DAB1: variants seen among roughly 807,000 people sequenced by gnomAD.
The protein encoded by DAB1 is disabled homolog 1.
Under a neutral mutation model 64.6 loss-of-function variants are expected in DAB1, and 15 were observed. That is an observed-to-expected ratio of 0.23 (90% CI 0.16 to 0.36). The LOEUF (loss-of-function observed/expected upper bound fraction) is 0.36. Among genes scored for constraint, DAB1 ranks in the 10% least tolerant of loss-of-function variants. The pLI, the probability that DAB1 is intolerant of heterozygous loss-of-function variation, is 1.00. For missense variants in DAB1, 596 were observed against 706.7 expected (o/e 0.84, Z 1.78); for synonymous variants, 235 against 251.9 (o/e 0.93, Z 0.64).
intron 7 of DAB1, among the ~76,000 whole-genome samples, chr1:57,584,775 T>C (rs1327648106): frequency 6.6e-6 from 1 of 152,240 alleles, no homozygotes; most frequent in Non-Finnish European, 1.5e-5. Context: ...GCTTTCTGTG[T>C]TGTTAGGTCC....
At chr1:57,286,927 C>A (rs1672362781) in intron 2 of DAB1, among the ~76,000 whole-genome samples, 1 of 151,930 alleles carries the variant, frequency 6.6e-6, no homozygotes, top group South Asian at 2.1e-4. Flanking sequence ...GTTAAATCTG[C>A]CACAGTATAA....
chr1:58,478,982 T>C (rs1645446408), intron 3 of DAB1, among the ~76,000 whole-genome samples: 1 of 152,222 alleles, frequency 6.6e-6, no homozygotes, highest in Non-Finnish European at 1.5e-5. Context: ...TTCTAAAGCA[T>C]TGAGCTGAAC....
At position 58,300,634 on chromosome 1, in the gene DAB1, GAGAGAGAGAGAGAGGAAGGAAGGA is replaced by G. The variant is rs1463949476; in HGVS notation, n.309+42694_309+42717del. Reference sequence around the variant, plus strand: ...AAAGAGAGAGAGAGAGAGAGAGAGAGAGAGAGAGAGAGAGGAAGGAAGGAAGGAAGGAAGGAAGGAAGGAAGGAA... The same window carrying G: ...AAAGAGAGAGAGAGAGAGAGAGAGAGAGGAAGGAAGGAAGGAAGGAAGGAA... On this transcript the variant is annotated intron_variant and non_coding_transcript_variant, in intron 4 of 20. Transcript: ENST00000485760. Among the ~76,000 whole-genome samples, 76 of 64,402 alleles carry G rather than the reference GAGAGAGAGAGAGAGGAAGGAAGGA, an allele frequency of 1.2e-3. 1 individual carries two copies. Among genetic ancestry groups the G allele is most frequent in the South Asian group, 5.6e-3 (7 of 1,250 alleles). 42.3% of individuals were successfully genotyped at this position (64,402 alleles called of 152,430 possible). A position where few individuals can be genotyped will look rare whatever the true frequency, so the allele number is the denominator to read the frequency against.
chr1:58,480,766 A>G (rs564917975), intron 3 of DAB1: 185 of 422,894 alleles, frequency 4.4e-4, no homozygotes, highest in Non-Finnish European at 6.2e-4. Context: ...CTCATTGAAG[A>G]TATTTTAACA....
At chr1:57,454,269 G>A (rs1686497957) in intron 7 of DAB1, among the ~76,000 whole-genome samples, 1 of 152,088 alleles carries the variant, frequency 6.6e-6, no homozygotes, top group South Asian at 2.1e-4. Flanking sequence ...GCCCATCAGT[G>A]ACAAACTGGA....
At chr1:58,456,368 G>C (rs1363000292) in intron 3 of DAB1, among the ~76,000 whole-genome samples, 1 of 152,190 alleles carries the variant, frequency 6.6e-6, no homozygotes, top group Non-Finnish European at 1.5e-5. Flanking sequence ...GATTTGTCTG[G>C]GGGGAGGGTG....
At chr1:57,342,596 T>C (rs1031589392) in intron 1 of DAB1, among the ~76,000 whole-genome samples, 1 of 152,210 alleles carries the variant, frequency 6.6e-6, no homozygotes, top group South Asian at 2.1e-4. Context: ...GTGTCCAAAA[T>C]TGGTGGGTTC....
chr1:57,155,044 A>T (rs1660075636), intron 2 of DAB1, among the ~76,000 whole-genome samples: 1 of 152,174 alleles, frequency 6.6e-6, no homozygotes, highest in Non-Finnish European at 1.5e-5. Context: ...CCATTTGTAC[A>T]TGGAAATTTT....
At position 57,657,976 on chromosome 1, in the gene DAB1, T is replaced by G. The variant is rs1387370239; in HGVS notation, n.552-8311A>C. Among the ~76,000 whole-genome samples, 3 of 152,206 alleles carry G rather than the reference T, an allele frequency of 2.0e-5. No individual in the cohort carries two copies. The East Asian group carries it at 5.8e-4, about 29-fold the overall frequency. On this transcript the variant is annotated intron_variant and non_coding_transcript_variant, in intron 6 of 20. Coordinates refer to the DAB1 transcript ENST00000485760. ...AGTCATCCATCCATCCTTCCTTTTC[T>G]TCAACAAATGTTTACTGAGCCCCTC...
At chr1:57,404,568 A>T (rs1411603268) in intron 1 of DAB1, among the ~76,000 whole-genome samples, 1 of 152,196 alleles carries the variant, frequency 6.6e-6, no homozygotes, top group East Asian at 1.9e-4. Context: ...GGGTAGAAGT[A>T]TAAATGACTT....
chr1:57,339,594 T>C (rs1313299130), intron 1 of DAB1, among the ~76,000 whole-genome samples: 1 of 152,230 alleles, frequency 6.6e-6, no homozygotes, highest in East Asian at 1.9e-4. Context: ...TACAGACCAA[T>C]GATTTCAGGC....
intron 5 of DAB1, among the ~76,000 whole-genome samples, chr1:57,889,622 G>A (rs371258835): frequency 8.3e-4 from 126 of 152,312 alleles, no homozygotes; most frequent in African/African-American, 2.5e-3. Flanking sequence ...CTTCTGCCCC[G>A]TATGATCCCA....
chr1:57,104,168 T>C (rs6587763), intron 4 of DAB1, among the ~76,000 whole-genome samples: 122,239 of 151,730 alleles, frequency 0.81, 49,422 homozygotes, highest in East Asian at 0.98. Flanking sequence ...AAGAGACATA[T>C]GAAAACCATA....
At chr1:58,419,969 A>C (rs1464831763) in intron 3 of DAB1, among the ~76,000 whole-genome samples, 1 of 152,154 alleles carries the variant, frequency 6.6e-6, no homozygotes, top group Non-Finnish European at 1.5e-5. Flanking sequence ...TACTTTTGCC[A>C]ATCTGTAGGT....
At chr1:57,407,485 T>C (rs1455122761) in intron 1 of DAB1, among the ~76,000 whole-genome samples, 1 of 152,220 alleles carries the variant, frequency 6.6e-6, no homozygotes, top group African/African-American at 2.4e-5. Context: ...TTTCACTGTC[T>C]GAAGATAAAG....
At chr1:57,908,608 C>G (rs193054961) in intron 5 of DAB1, among the ~76,000 whole-genome samples, 1 of 121,284 alleles carries the variant, frequency 8.2e-6, no homozygotes, top group East Asian at 2.4e-4. Context: ...CAGTCAGAGT[C>G]CTCAGGAAAG....
intron 5 of DAB1, among the ~76,000 whole-genome samples, chr1:57,937,381 C>T (rs11577195): frequency 0.4 from 61,189 of 151,692 alleles, 13,486 homozygotes; most frequent in Admixed American, 0.51. Context: ...TTTTACTAGA[C>T]GATGAAAAGC....
chr1:57,835,107 G>C (rs1652753053), intron 1 of DAB1, among the ~76,000 whole-genome samples: 1 of 152,194 alleles, frequency 6.6e-6, no homozygotes, highest in Admixed American at 6.5e-5. Context: ...TGGCTAGGGT[G>C]TAGGGTGGGA....
Position 58,001,608 on chromosome 1 carries a change from G to A in DAB1, n.388-117446C>T, listed in dbSNP as rs930738034. ...CACATCTCCTGCATTCTCAGCAGGT[G>A]AGGAAGTAAGCTTTAGGAAAGGTCT... On this transcript the variant is annotated intron_variant and non_coding_transcript_variant, in intron 5 of 20. Transcript: ENST00000485760. Among the ~76,000 whole-genome samples, 4 of 152,158 alleles carry A rather than the reference G, an allele frequency of 2.6e-5. No individual in the cohort carries two copies. The East Asian group carries it at 7.7e-4, about 29-fold the overall frequency.
Sources: allele counts gnomAD v4.1 joint callset (sites outside exome capture counted in the v4.1 genomes callset), GRCh38; gene constraint gnomAD v4.1.1; transcripts MANE v1.5; gene names NCBI Gene and HGNC (gene_info 2026-07-23, HGNC 2026-07-21).